Variants in TSEN2 observed in about 807,000 individuals in gnomAD.
TSEN2 encodes the protein tRNA-splicing endonuclease subunit Sen2.
In TSEN2, 54 loss-of-function variants were observed where a neutral mutation model predicts 59.2. The observed-to-expected ratio is 0.91, with a 90% confidence interval of 0.73 to 1.14. TSEN2 has a LOEUF of 1.14. Among genes scored for constraint, TSEN2 ranks in the 50% most tolerant of loss-of-function variants. The pLI is 0.00. For synonymous variants in TSEN2, 195 were observed against 198.2 expected, an observed-to-expected ratio of 0.98 and a Z score of 0.14; for missense variants, 636 against 576.2, an observed-to-expected ratio of 1.10 and a Z score of -1.06.
In TSEN2 at chr3:12,513,950, A is replaced by G. The variant is rs1036109728; in HGVS notation, c.910-2661A>G. Among the ~76,000 whole-genome samples, 3 of 152,226 alleles carry G rather than the reference A, an allele frequency of 2.0e-5. No homozygotes were observed. The East Asian group carries it at 5.8e-4, about 29-fold the overall frequency. On this transcript the variant is annotated intron_variant, in intron 6 of 11. Coordinates refer to ENST00000284995, the MANE Select transcript of TSEN2 (RefSeq NM_025265.4). ...GGCTCTGGCTGTTGGGGCCTAAGCCAAGGGCAGGACTGGGGACCTGTCTTT... is the reference window on the plus strand; with the variant it reads ...GGCTCTGGCTGTTGGGGCCTAAGCCGAGGGCAGGACTGGGGACCTGTCTTT...
intron 8 of TSEN2, among the ~76,000 whole-genome samples, chr3:12,519,834 C>T (rs1448372272): frequency 6.6e-6 from 1 of 152,202 alleles, no homozygotes; most frequent in African/African-American, 2.4e-5. Flanking sequence ...TCCCTTATCC[C>T]CGGGCCTCAG....
intron 3 of TSEN2, among the ~76,000 whole-genome samples, chr3:12,493,250 G>A (rs993889552): frequency 6.6e-6 from 1 of 152,166 alleles, no homozygotes; most frequent in African/African-American, 2.4e-5. Context: ...ACGTATCTGA[G>A]TCTATTTTTA....
chr3:12,506,948 A>G (rs1028254138), intron 6 of TSEN2: 2 of 800,010 alleles, frequency 2.5e-6, no homozygotes, highest in South Asian at 1.1e-4. Flanking sequence ...TAATCCCAGC[A>G]CTTTGGGAGG....
chr3:12,521,531 G>A (rs60053345), intron 8 of TSEN2, among the ~76,000 whole-genome samples: 3,968 of 152,074 alleles, frequency 0.026, 176 homozygotes, highest in African/African-American at 0.089. Context: ...CCTTGCCAAC[G>A]TGGTGAAACC....
chr3:12,480,738 T>C (rs1049928729), upstream of TSEN2, among the ~76,000 whole-genome samples: 3 of 152,054 alleles, frequency 2.0e-5, no homozygotes, highest in Admixed American at 6.5e-5. Flanking sequence ...TTTGCCATGT[T>C]GGCCAGGCTG....
intron 4 of TSEN2, 21 bp downstream of exon 4, chr3:12,496,575 G>A: frequency 6.2e-7 from 1 of 1,613,778 alleles, no homozygotes; most frequent in Non-Finnish European, 8.5e-7. Flanking sequence ...ATGAACTTTG[G>A]CTTCTGTCAA....
Position 12,503,770 on chromosome 3 carries a change from G to C in TSEN2, c.817G>C (p.Ala273Pro). 6.2e-7 allele frequency: 1 copy of C among 1,614,058 alleles called. No homozygotes were observed. Among genetic ancestry groups the C allele is most frequent in the Non-Finnish European group, 8.5e-7 (1 of 1,180,030 alleles). The stretch of plus-strand genomic sequence containing the variant: ...GTGTGCCATGAGCGAGAGGGAGGCT[G>C]CCCCAAATGAGGAAGTAAGTAGAAG... The part of the protein sequence containing the change: ...AECAMSEREA[A>P]PNEELVQRNR... Residue 273 changes from alanine to proline, a missense_variant, in exon 5 of 12, where the codon GCC becomes CCC. Coordinates refer to ENST00000284995, the MANE Select transcript of TSEN2 (RefSeq NM_025265.4).
chr3:12,521,729 A>G (rs2056650214), intron 8 of TSEN2, among the ~76,000 whole-genome samples: 1 of 151,188 alleles, frequency 6.6e-6, no homozygotes, highest in African/African-American at 2.4e-5. Context: ...AAATAAAAAT[A>G]GGCTGGGCGC....
At chr3:12,506,566 G>A (rs569982620) in intron 6 of TSEN2, 23 of 421,490 alleles carry the variant, frequency 5.5e-5, no homozygotes, top group Admixed American at 2.6e-4. Flanking sequence ...CTGCACAAGC[G>A]AGATCCTGTT....
intron 4 of TSEN2, among the ~76,000 whole-genome samples, chr3:12,497,320 T>C (rs2053853175): frequency 6.6e-6 from 1 of 152,218 alleles, no homozygotes; most frequent in African/African-American, 2.4e-5. Flanking sequence ...TGAAACCTTA[T>C]AAAACTTCTC....
At chr3:12,520,411 C>T (rs140762798) in intron 8 of TSEN2, among the ~76,000 whole-genome samples, 31 of 152,316 alleles carry the variant, frequency 2.0e-4, no homozygotes, top group South Asian at 4.2e-4. Flanking sequence ...CTGAAGCCCA[C>T]GCTTTTAGAA....
At chr3:12,494,762 A>G (rs2053573620) in intron 3 of TSEN2, among the ~76,000 whole-genome samples, 1 of 152,126 alleles carries the variant, frequency 6.6e-6, no homozygotes, top group African/African-American at 2.4e-5. Flanking sequence ...GAAGGGATGA[A>G]ACAGGATGCA....
At chr3:12,490,142 T>G (rs2053064831) in intron 2 of TSEN2, among the ~76,000 whole-genome samples, 153 bp downstream of exon 2, 1 of 152,182 alleles carries the variant, frequency 6.6e-6, no homozygotes, top group African/African-American at 2.4e-5. Flanking sequence ...AAGTACAATT[T>G]GAATTAGTGC....
At chr3:12,517,245 C>T (rs1325464203) in intron 7 of TSEN2, among the ~76,000 whole-genome samples, 1 of 150,830 alleles carries the variant, frequency 6.6e-6, no homozygotes, top group Non-Finnish European at 1.5e-5. Flanking sequence ...GTAGTTCCAG[C>T]TAATCAAGAG....
intron 8 of TSEN2, among the ~76,000 whole-genome samples, chr3:12,519,533 C>G (rs1251483221): frequency 6.6e-6 from 1 of 152,140 alleles, no homozygotes; most frequent in Non-Finnish European, 1.5e-5. Flanking sequence ...ATCACGAGGT[C>G]AGGAGATCGA....
intron 3 of TSEN2, among the ~76,000 whole-genome samples, chr3:12,495,404 G>GT (rs954270597): frequency 6.6e-6 from 1 of 152,022 alleles, no homozygotes; most frequent in African/African-American, 2.4e-5. Flanking sequence ...TAATTTTTGT[G>GT]TTTTTTGTAG....
intron 4 of TSEN2, among the ~76,000 whole-genome samples, chr3:12,496,904 G>C (rs931700728): frequency 6.6e-6 from 1 of 152,130 alleles, no homozygotes; most frequent in Admixed American, 6.5e-5. Context: ...CCTTCCTCCA[G>C]CTACACTGTA....
intron 8 of TSEN2, among the ~76,000 whole-genome samples, chr3:12,521,783 G>A (rs969423839): frequency 3.5e-4 from 53 of 152,220 alleles, no homozygotes; most frequent in Admixed American, 2.6e-4. Flanking sequence ...AGGCTGAGGC[G>A]GGCTGATCAT....
chr3:12,483,201 C>A (rs1319113240), upstream of TSEN2, among the ~76,000 whole-genome samples: 1 of 152,270 alleles, frequency 6.6e-6, no homozygotes, highest in African/African-American at 2.4e-5. Context: ...CGTGGTGAAA[C>A]CCCGTTTCTA....
Sources: allele counts gnomAD v4.1 joint callset (sites outside exome capture counted in the v4.1 genomes callset), GRCh38; gene constraint gnomAD v4.1.1; transcripts MANE v1.5; gene names NCBI Gene and HGNC (gene_info 2026-07-23, HGNC 2026-07-21).